USP32: variants seen among roughly 807,000 people sequenced by gnomAD.
USP32 encodes ubiquitin carboxyl-terminal hydrolase 32.
USP32 carries 59 observed loss-of-function variants against 204.8 expected under a neutral mutation model. The ratio of observed to expected loss-of-function variants is 0.29; its 90% CI spans 0.23 to 0.36. The LOEUF (loss-of-function observed/expected upper bound fraction) is 0.36, where lower values mean the gene tolerates loss of function less well. USP32 is among the 10% of genes least tolerant of loss of function. USP32 has a pLI of 1.00. For missense variants in USP32, 1,160 were observed against 1,946.4 expected, an observed-to-expected ratio of 0.60 and a Z score of 7.60; for synonymous variants, 517 against 678.4, an observed-to-expected ratio of 0.76 and a Z score of 3.70.
intron 12 of USP32, among the ~76,000 whole-genome samples, chr17:60,229,536 G>C (rs1204099391): frequency 1.3e-5 from 2 of 152,164 alleles, no homozygotes; most frequent in Non-Finnish European, 2.9e-5. Context: ...AGAAGATTTA[G>C]ATTTATTTAG....
chr17:60,265,989 G>A lies in USP32; in HGVS notation c.914C>T (p.Thr305Ile). The change falls in exon 8 of 34, where the codon ACT becomes ATT. Residue 305 changes from threonine (T) to isoleucine (I), a missense_variant. This residue lies in a region of USP32 where 536 missense variants were observed against 680.9 expected (regional missense o/e 0.79). Transcript: ENST00000300896. The stretch of plus-strand genomic sequence containing the variant: ...ATCATAACTTACAGGAATATCATCA[G>A]TGCGGTTGTCCTTCCAGACTTCTAA... ...ALLEVWKDNR[T>I]DDIPELHMDL... 1 of 1,613,530 alleles carries A rather than the reference G, an allele frequency of 6.2e-7. No individual in the cohort carries two copies. Among genetic ancestry groups the A allele is most frequent in the Non-Finnish European group, 8.5e-7 (1 of 1,179,538 alleles).
At chr17:60,370,257 GACA>G (rs2089411015) in intron 1 of USP32, among the ~76,000 whole-genome samples, 1 of 151,782 alleles carries the variant, frequency 6.6e-6, no homozygotes, top group South Asian at 2.1e-4. Context: ...CTAAAATGAT[GACA>G]ACAACAAAGG....
At chr17:60,362,398 G>C (rs937023483) in intron 1 of USP32, among the ~76,000 whole-genome samples, 2 of 152,176 alleles carry the variant, frequency 1.3e-5, no homozygotes, top group Non-Finnish European at 2.9e-5. Context: ...CCTCTACTAA[G>C]AATGAATGCT....
intron 1 of USP32, among the ~76,000 whole-genome samples, chr17:60,418,139 G>A (rs1203027284): frequency 6.6e-6 from 1 of 151,880 alleles, no homozygotes. Flanking sequence ...TGTATTTTTA[G>A]TAGAGACGGG....
chr17:60,409,694 A>C (rs1224938638), intron 1 of USP32, among the ~76,000 whole-genome samples: 2 of 152,208 alleles, frequency 1.3e-5, no homozygotes, highest in African/African-American at 4.8e-5. Flanking sequence ...ATTTCCCAGC[A>C]TAGGCCAAAC....
intron 29 of USP32, among the ~76,000 whole-genome samples, chr17:60,190,030 G>A (rs975658921): frequency 6.6e-6 from 1 of 152,204 alleles, no homozygotes; most frequent in African/African-American, 2.4e-5. Context: ...GGCCTAGCAG[G>A]AGGTGTTTGG....
intron 15 of USP32, among the ~76,000 whole-genome samples, chr17:60,220,095 A>G (rs949674239): frequency 2.0e-5 from 3 of 151,914 alleles, no homozygotes; most frequent in Non-Finnish European, 4.4e-5. Context: ...CTACCCTCAC[A>G]CCATAAGTCT....
chr17:60,398,366 G>A (rs2089913365), intron 1 of USP32, among the ~76,000 whole-genome samples: 1 of 151,948 alleles, frequency 6.6e-6, no homozygotes, highest in South Asian at 2.1e-4. Flanking sequence ...CTGCACTCAA[G>A]CCTGGGCAAC....
At chr17:60,192,718 C>A in intron 28 of USP32, 126 bp downstream of exon 28, 1 of 1,242,042 alleles carries the variant, frequency 8.1e-7, no homozygotes. Flanking sequence ...AGCCACCGTG[C>A]CCAGCCACAA....
Position 60,213,606 on chromosome 17 carries a change from C to T in USP32, c.2079G>A (p.Gln693=). 2.2e-6 allele frequency: 3 copies of T among 1,390,020 alleles called. No homozygotes were observed. Among genetic ancestry groups the T allele is most frequent in the Non-Finnish European group, 2.9e-6 (3 of 1,029,744 alleles). The allele number at this position is 1,390,020 out of a possible 1,614,324, so 86.1% of individuals were successfully genotyped here. Residue 693 remains glutamine, a synonymous_variant, in exon 18 of 34, where the codon CAG becomes CAA. Transcript: ENST00000300896. The stretch of plus-strand genomic sequence containing the variant: ...CTTCAATTACCAGGTGTTGTTCATC[C>T]TGGATTTTCAAATATTCCAATTTAT... ...EDHKLEYLKI[Q]DEQHLVIEVR...
chr17:60,412,335 T>C (rs1035431713), intron 1 of USP32, among the ~76,000 whole-genome samples: 1 of 151,688 alleles, frequency 6.6e-6, no homozygotes, highest in African/African-American at 2.4e-5. Context: ...TGAAATCCCA[T>C]CTCTACAAAA....
At chr17:60,419,453 C>T (rs1168475775) in intron 1 of USP32, among the ~76,000 whole-genome samples, 1 of 152,084 alleles carries the variant, frequency 6.6e-6, no homozygotes, top group Non-Finnish European at 1.5e-5. Flanking sequence ...ATCTGTGCAA[C>T]AGGCTGGGCA....
chr17:60,234,515 C>A (rs1211410191), intron 12 of USP32, among the ~76,000 whole-genome samples: 1 of 151,490 alleles, frequency 6.6e-6, no homozygotes, highest in African/African-American at 2.4e-5. Flanking sequence ...ATCACGAGGT[C>A]AGGAGATTGA....
intron 10 of USP32, among the ~76,000 whole-genome samples, chr17:60,252,717 T>C (rs1270672230): frequency 6.6e-6 from 1 of 152,144 alleles, no homozygotes; most frequent in Non-Finnish European, 1.5e-5. Flanking sequence ...GGGGAAGACA[T>C]TACCTCAGGA....
At chr17:60,312,066 G>C (rs987568291) in intron 2 of USP32, among the ~76,000 whole-genome samples, 1 of 152,172 alleles carries the variant, frequency 6.6e-6, no homozygotes, top group African/African-American at 2.4e-5. Context: ...CCAACTATGT[G>C]GTCTTAAGCA....
At chr17:60,249,960 G>C (rs2086125839) in intron 11 of USP32, among the ~76,000 whole-genome samples, 1 of 150,446 alleles carries the variant, frequency 6.6e-6, no homozygotes, top group African/African-American at 2.4e-5. Flanking sequence ...ACAGTCAAAT[G>C]AATTTTTATA....
At chr17:60,216,402 C>A (rs1056173693) in intron 16 of USP32, among the ~76,000 whole-genome samples, 1 of 151,634 alleles carries the variant, frequency 6.6e-6, no homozygotes, top group African/African-American at 2.4e-5. Context: ...TATTGAGCAA[C>A]CCAACTTAAA....
intron 11 of USP32, among the ~76,000 whole-genome samples, chr17:60,242,999 T>A (rs1171438253): frequency 6.6e-6 from 1 of 152,244 alleles, no homozygotes; most frequent in African/African-American, 2.4e-5. Flanking sequence ...AGTTTTCAAA[T>A]CCATTTACGT....
intron 1 of USP32, among the ~76,000 whole-genome samples, chr17:60,365,317 GA>G (rs2089291307): frequency 6.6e-6 from 1 of 151,640 alleles, no homozygotes. Flanking sequence ...TGTCTCTAAT[GA>G]AAAAATATAA....
Sources: gnomAD v4.1 joint callset for allele counts (sites outside exome capture counted in the v4.1 genomes callset) on GRCh38, gnomAD v4.1.1 for gene constraint, gnomAD v4.1.1 regional missense constraint, MANE v1.5 for transcripts, NCBI Gene and HGNC (gene_info 2026-07-23, HGNC 2026-07-21) for gene names.